The following ANTXR2 variants were observed in gnomAD, a reference collection of about 807,000 sequenced individuals.
ANTXR2 encodes the protein anthrax toxin receptor 2.
ANTXR2 carries 44 observed loss-of-function variants against 73.7 expected under a neutral mutation model. The ratio of observed to expected loss-of-function variants is 0.60; its 90% confidence interval spans 0.47 to 0.77. The LOEUF (loss-of-function observed/expected upper bound fraction) is 0.77. ANTXR2 is among the 30% of genes least tolerant of loss of function. ANTXR2 has a pLI of 0.00. For synonymous variants in ANTXR2, 217 were observed against 205.9 expected (o/e 1.05, Z -0.46); for missense variants, 604 against 592.5 (o/e 1.02, Z -0.20).
chr4:79,980,363 G>A (rs1729835181), intron 14 of ANTXR2, among the ~76,000 whole-genome samples: 1 of 152,126 alleles, frequency 6.6e-6, no homozygotes, highest in Non-Finnish European at 1.5e-5. Flanking sequence ...GTATGTGTAT[G>A]TATGCATAAA....
intron 16 of ANTXR2, among the ~76,000 whole-genome samples, chr4:79,960,131 T>A (rs995129807): frequency 3.3e-5 from 5 of 152,194 alleles, no homozygotes; most frequent in Admixed American, 2.0e-4. Context: ...CTCACCAATC[T>A]GCACTAGGTT....
At chr4:80,034,519 G>A (rs889028441) in intron 8 of ANTXR2, among the ~76,000 whole-genome samples, 4 of 152,022 alleles carry the variant, frequency 2.6e-5, no homozygotes, top group African/African-American at 9.7e-5. Context: ...AGTATTTGAC[G>A]GGTTATAGTT....
At chr4:79,978,478 G>A (rs1578125456) in intron 14 of ANTXR2, among the ~76,000 whole-genome samples, 1 of 152,016 alleles carries the variant, frequency 6.6e-6, no homozygotes, top group Non-Finnish European at 1.5e-5. Context: ...CATATGAAAT[G>A]CATGACAGTG....
At chr4:79,964,915 C>T (rs1729300744) in intron 16 of ANTXR2, 1 of 152,368 alleles carries the variant, frequency 6.6e-6, no homozygotes, top group Admixed American at 6.5e-5. Flanking sequence ...GCGTGCGGCC[C>T]GCGGACCCCG....
At chr4:80,010,109 T>C (rs868274222) in intron 11 of ANTXR2, among the ~76,000 whole-genome samples, 13 of 151,654 alleles carry the variant, frequency 8.6e-5, no homozygotes, top group Admixed American at 2.6e-4. Context: ...GAAAGAAGAT[T>C]AATACTAATA....
At chr4:79,945,806 C>A (rs1035595884) in intron 16 of ANTXR2, among the ~76,000 whole-genome samples, 1 of 152,012 alleles carries the variant, frequency 6.6e-6, no homozygotes, top group Non-Finnish European at 1.5e-5. Context: ...TCACAATATG[C>A]CCTACTTTAA....
At chr4:79,919,880 T>TATAA (rs1231595568) in intron 16 of ANTXR2, among the ~76,000 whole-genome samples, 3 of 11,014 alleles carry the variant, frequency 2.7e-4, no homozygotes, top group African/African-American at 1.4e-3. Flanking sequence ...TATATATATA[T>TATAA]ATATATATAT....
intron 16 of ANTXR2, among the ~76,000 whole-genome samples, chr4:79,948,898 A>G (rs1578104460): frequency 6.6e-6 from 1 of 152,170 alleles, no homozygotes; most frequent in African/African-American, 2.4e-5. Flanking sequence ...TGCTCTGTAC[A>G]TGATTTAAAC....
chr4:80,043,273 T>C (rs913726933), intron 7 of ANTXR2, among the ~76,000 whole-genome samples: 1 of 141,324 alleles, frequency 7.1e-6, no homozygotes, highest in Admixed American at 7.3e-5. Context: ...GCATTCCATA[T>C]TGTGCCAGTG....
Position 80,008,560 on chromosome 4 carries a change from G to T in ANTXR2, c.1002C>A (p.Ile334=), listed in dbSNP as rs374107789. The T allele has an allele frequency of 6.2e-7, 1 of 1,607,318 alleles. No individual in the cohort carries two copies. The highest frequency in any genetic ancestry group is 1.1e-5 in the South Asian group (1 of 89,506). ...GGGGCCAAAACCACCACATCAAACC[G>T]ATCCCCAGGAGTAGCAGTAACACCA... ...VILVLLLLLG[I]GLMWWFWPLC... is the part of the protein sequence containing the mutation. The change falls in exon 12 of 17, where the codon ATC becomes ATA. Residue 334 remains isoleucine, a synonymous_variant. Coordinates refer to ENST00000403729, the MANE Select transcript of ANTXR2 (RefSeq NM_058172.6).
intron 16 of ANTXR2, among the ~76,000 whole-genome samples, chr4:79,916,456 GA>G (rs1727358459): frequency 6.6e-6 from 1 of 152,000 alleles, no homozygotes. Flanking sequence ...TTTATTTTGT[GA>G]GGCACATAGT....
chr4:79,993,120 T>C (rs1335252592), intron 12 of ANTXR2, among the ~76,000 whole-genome samples: 1 of 152,076 alleles, frequency 6.6e-6, no homozygotes, highest in Non-Finnish European at 1.5e-5. Context: ...ACAGGTGTTA[T>C]GTCTGCTTTG....
Position 79,907,431 on chromosome 4 carries a change from A to G in ANTXR2, c.1465T>C (p.Ter489GlnextTer17), listed in dbSNP as rs764847293. The change falls in exon 17 of 17, where the codon TAA becomes CAA. Residue 489 changes from the stop codon to glutamine, a stop_lost. Transcript: ENST00000403729. ...TTCTTGGTCTTCCTGCTTCCCTTTT[A>G]CTGAGATGGAACTCGGGAGAAGTTT... ...CINFSRVPSQ[*>Q] 2.5e-6 allele frequency: 4 copies of G among 1,612,812 alleles called. No homozygotes were observed. In the Admixed American group the frequency reaches 6.7e-5, roughly 27 times the overall value.
At chr4:79,995,782 A>C (rs1029536162) in intron 12 of ANTXR2, among the ~76,000 whole-genome samples, 11 of 151,962 alleles carry the variant, frequency 7.2e-5, no homozygotes, top group Non-Finnish European at 1.6e-4. Flanking sequence ...AAATGAATTA[A>C]AGTCCTGACA....
intron 16 of ANTXR2, among the ~76,000 whole-genome samples, chr4:79,937,506 A>C (rs541002779): frequency 1.4e-4 from 22 of 152,272 alleles, no homozygotes; most frequent in African/African-American, 5.3e-4. Flanking sequence ...CCCAACTCTA[A>C]TTTGCAATTT....
intron 10 of ANTXR2, among the ~76,000 whole-genome samples, chr4:80,027,127 C>T (rs1732481562): frequency 6.6e-6 from 1 of 151,782 alleles, no homozygotes; most frequent in South Asian, 2.1e-4. Flanking sequence ...ATGATTTTTC[C>T]AAAAAATAAA....
intron 11 of ANTXR2, among the ~76,000 whole-genome samples, chr4:80,011,593 C>T (rs967365329): frequency 2.6e-5 from 4 of 152,110 alleles, no homozygotes; most frequent in Non-Finnish European, 4.4e-5. Context: ...CTTCTAGTTT[C>T]GCTCGTGATA....
intron 16 of ANTXR2, among the ~76,000 whole-genome samples, chr4:79,961,410 G>A (rs779416102): frequency 8.6e-5 from 13 of 151,870 alleles, no homozygotes; most frequent in Non-Finnish European, 1.9e-4. Flanking sequence ...GGACCACCAA[G>A]ACATTTTGAA....
intron 12 of ANTXR2, among the ~76,000 whole-genome samples, chr4:79,994,996 C>T (rs894516330): frequency 6.6e-6 from 1 of 151,968 alleles, no homozygotes; most frequent in African/African-American, 2.4e-5. Context: ...GATCCTGATG[C>T]TTCCCCCAAA....
Sources: gnomAD v4.1 joint callset for allele counts (sites outside exome capture counted in the v4.1 genomes callset) on GRCh38, gnomAD v4.1.1 for gene constraint, MANE v1.5 for transcripts, NCBI Gene and HGNC (gene_info 2026-07-23, HGNC 2026-07-21) for gene names.